The following SFMBT1 variants were observed in gnomAD, a reference collection of about 807,000 sequenced individuals.
SFMBT1 encodes the protein Scm like with four mbt domains 1.
Under a neutral mutation model 108.7 loss-of-function variants are expected in SFMBT1, and 32 were observed. That is an observed-to-expected ratio of 0.29 (90% CI 0.22 to 0.40). SFMBT1 has a LOEUF of 0.40. Ranked by LOEUF, SFMBT1 falls within the 10% of genes least tolerant of loss-of-function variation. The probability of loss-of-function intolerance (pLI) is 1.00; values close to 1 mark genes in which losing one functional copy is unlikely to be tolerated. For missense variants in SFMBT1, 816 were observed against 1,059.6 expected (o/e 0.77, Z 3.19); for synonymous variants, 348 against 369.5 (o/e 0.94, Z 0.67).
intron 3 of SFMBT1, among the ~76,000 whole-genome samples, chr3:52,946,871 A>G (rs1420894266): frequency 3.3e-5 from 5 of 150,562 alleles, no homozygotes; most frequent in Non-Finnish European, 5.9e-5. Context: ...TTTCAGGTTC[A>G]AGTGATTCTC....
At chr3:52,932,372 A>T (rs1049828662) in intron 5 of SFMBT1, 64 bp from the exon 6 acceptor site, 2 of 1,514,836 alleles carry the variant, frequency 1.3e-6, no homozygotes, top group African/African-American at 2.8e-5. Flanking sequence ...TGAAAAGCCA[A>T]CTTATAAATG....
At position 52,984,726 on chromosome 3, in the gene SFMBT1, CTGTGTGTGTGTGTGTG is replaced by C. The variant is rs57308874; in HGVS notation, c.-130-15484_-130-15469del. On this transcript the variant is annotated intron_variant, in intron 1 of 20. Coordinates refer to ENST00000394752, the MANE Select transcript of SFMBT1 (RefSeq NM_016329.4). ...TATATACTGAATACTATACTAAATACTGTGTGTGTGTGTGTGTGTGTGTGTGTGTGTGTGTGTGTGT... is the reference window on the plus strand; with the variant it reads ...TATATACTGAATACTATACTAAATACTGTGTGTGTGTGTGTGTGTGTGTGT... Among the ~76,000 whole-genome samples the C allele has an allele frequency of 5.1e-4, 72 of 140,244 alleles. 1 individual carries two copies. Among genetic ancestry groups the C allele is most frequent in the East Asian group, 4.5e-3 (22 of 4,850 alleles). The allele number at this position is 140,244 out of a possible 152,430, so 92.0% of individuals were successfully genotyped here. A position where few individuals can be genotyped will look rare whatever the true frequency, so the allele number is the denominator to read the frequency against.
intron 1 of SFMBT1, among the ~76,000 whole-genome samples, chr3:53,041,866 G>A (rs1486717849): frequency 6.6e-6 from 1 of 151,984 alleles, no homozygotes; most frequent in Non-Finnish European, 1.5e-5. Context: ...TAATAACTAT[G>A]TATATACAGA....
At chr3:53,024,466 G>A (rs971980613) in intron 1 of SFMBT1, among the ~76,000 whole-genome samples, 13 of 152,178 alleles carry the variant, frequency 8.5e-5, no homozygotes, top group African/African-American at 2.9e-4. Context: ...GGGGAGGGCC[G>A]GCCATGAGAG....
At chr3:52,925,211 ACT>A (rs1266791414) in intron 10 of SFMBT1, among the ~76,000 whole-genome samples, 1 of 152,146 alleles carries the variant, frequency 6.6e-6, no homozygotes, top group Non-Finnish European at 1.5e-5. Flanking sequence ...ACAGAGCAAG[ACT>A]CTGTCTCAAA....
At chr3:52,951,218 T>TTTTA (rs1413338521) in intron 3 of SFMBT1, among the ~76,000 whole-genome samples, 1 of 150,060 alleles carries the variant, frequency 6.7e-6, no homozygotes, top group East Asian at 1.9e-4. Context: ...TAACACTCTT[T>TTTTA]TTTCCTTCCT....
At chr3:52,989,332 G>A (rs1705037254) in intron 1 of SFMBT1, among the ~76,000 whole-genome samples, 1 of 151,614 alleles carries the variant, frequency 6.6e-6, no homozygotes, top group African/African-American at 2.4e-5. Flanking sequence ...CCTTTTGGGA[G>A]GCTGAGGCAG....
At chr3:52,988,285 A>G (rs760479218) in intron 1 of SFMBT1, among the ~76,000 whole-genome samples, 1 of 152,238 alleles carries the variant, frequency 6.6e-6, no homozygotes, top group East Asian at 1.9e-4. Flanking sequence ...ATGCTGTACA[A>G]TTAATTCACT....
chr3:52,965,791 G>T (rs542350022), intron 2 of SFMBT1, among the ~76,000 whole-genome samples: 80 of 151,990 alleles, frequency 5.3e-4, no homozygotes, highest in Middle Eastern at 3.4e-3. Context: ...CAGATCACAA[G>T]GTCAGGAGAT....
chr3:53,031,618 G>A (rs1333309644), intron 1 of SFMBT1, among the ~76,000 whole-genome samples: 1 of 151,552 alleles, frequency 6.6e-6, no homozygotes, highest in Non-Finnish European at 1.5e-5. Context: ...AGTGTCCAGG[G>A]ATAGGAAAAA....
chr3:53,020,183 G>A lies in SFMBT1; in HGVS notation c.-131+25633C>T, dbSNP rs190703746. On this transcript the variant is annotated intron_variant, in intron 1 of 20. Transcript: ENST00000394752. ...GCAGGCGGATCACCTAAGGTCAGGA[G>A]TTCAAGACCAGTCTGGCCAACATGG... is the stretch of plus-strand genomic sequence containing the variant. Among the ~76,000 whole-genome samples, 84 of 152,170 alleles carry A rather than the reference G, an allele frequency of 5.5e-4. 2 individuals are homozygous for A. In the East Asian group the frequency reaches 0.014, roughly 26 times the overall value.
Position 52,935,962 on chromosome 3 carries a change from T to C in SFMBT1, c.365-1061A>G, listed in dbSNP as rs550627199. Among the ~76,000 whole-genome samples the C allele has an allele frequency of 4.3e-4, 65 of 152,344 alleles. 1 individual carries two copies. The South Asian group carries it at 0.013, about 31-fold the overall frequency. ...TCCCTGTGGTGACCAGTTGTTCTACTGTTCCCTGTATTTGCCATAAATCAG... is the reference window on the plus strand; with the variant it reads ...TCCCTGTGGTGACCAGTTGTTCTACCGTTCCCTGTATTTGCCATAAATCAG... On this transcript the variant is annotated intron_variant, in intron 4 of 20. Coordinates refer to ENST00000394752, the MANE Select transcript of SFMBT1 (RefSeq NM_016329.4).
chr3:52,906,345 T>G, intron 19 of SFMBT1, 104 bp from the exon 20 acceptor site: 1 of 1,560,036 alleles, frequency 6.4e-7, no homozygotes, highest in Non-Finnish European at 8.8e-7. Context: ...TGATTTAAAG[T>G]GGTCTTAGGA....
chr3:52,982,896 C>T (rs1172222267), intron 1 of SFMBT1, among the ~76,000 whole-genome samples: 1 of 151,980 alleles, frequency 6.6e-6, no homozygotes, highest in Non-Finnish European at 1.5e-5. Context: ...GAAAATAAAT[C>T]AACATTGACA....
chr3:52,960,979 A>T (rs964269289), intron 2 of SFMBT1, among the ~76,000 whole-genome samples: 6 of 152,274 alleles, frequency 3.9e-5, no homozygotes, highest in South Asian at 2.1e-4. Context: ...CTACAAAAAT[A>T]TTTTTAAAAG....
At chr3:52,913,664 C>G in intron 14 of SFMBT1, 47 bp from the exon 15 acceptor site, 1 of 1,593,578 alleles carries the variant, frequency 6.3e-7, no homozygotes, top group Non-Finnish European at 8.6e-7. Context: ...ATTCTCTACC[C>G]CACGTTTCCA....
At chr3:52,941,365 G>A (rs770497146) in intron 4 of SFMBT1, among the ~76,000 whole-genome samples, 12 of 152,042 alleles carry the variant, frequency 7.9e-5, no homozygotes, top group Non-Finnish European at 1.3e-4. Context: ...AGGCAGAAGC[G>A]GGCAGATCAC....
Position 52,969,305 on chromosome 3 carries a change from G to A in SFMBT1, c.-130-47C>T, listed in dbSNP as rs1704262035. 4 of 1,450,706 alleles carry A rather than the reference G, an allele frequency of 2.8e-6. No individual in the cohort carries two copies. In the South Asian group the frequency reaches 4.4e-5, roughly 16 times the overall value. 89.9% of individuals were successfully genotyped at this position (1,450,706 alleles called of 1,614,324 possible). ...ATTAAACAGCCTGAAGCCCAAGTGT[G>A]CTCACTCACTCATCAAACAGGGCAC... On this transcript the variant is annotated intron_variant, in intron 1 of 20. Coordinates refer to ENST00000394752, the MANE Select transcript of SFMBT1 (RefSeq NM_016329.4).
chr3:52,943,464 C>G lies in SFMBT1; in HGVS notation c.253G>C (p.Asp85His), dbSNP rs1703255749. The change falls in exon 4 of 21, where the codon GAT (aspartate) becomes CAT (histidine). Residue 85 changes from aspartate to histidine, a missense_variant. Physicochemically the swap from Asp to His is moderately conservative, Grantham distance 81. Around this residue, in one of 5 missense-constraint regions of SFMBT1, gnomAD observed 495 missense variants for 607.4 expected, o/e 0.81. Coordinates refer to ENST00000394752, the MANE Select transcript of SFMBT1 (RefSeq NM_016329.4). ...GCTCTCCGATCCTCCCCATAGCCAT[C>G]ATAGCGGAGAAGGAGCAACTGCTCA... ...TCEQLLLLRY[D>H]GYGEDRRADF... 1 of 1,614,200 alleles carries G rather than the reference C, an allele frequency of 6.2e-7. No individual in the cohort carries two copies. Among genetic ancestry groups the G allele is most frequent in the Non-Finnish European group, 8.5e-7 (1 of 1,180,008 alleles).
Sources: allele counts gnomAD v4.1 joint callset (sites outside exome capture counted in the v4.1 genomes callset), GRCh38; gene constraint gnomAD v4.1.1; regional missense constraint gnomAD v4.1.1; transcripts MANE v1.5; gene names NCBI Gene and HGNC (gene_info 2026-07-23, HGNC 2026-07-21).